Variants in EPHB1 observed in about 807,000 individuals in gnomAD.
EPHB1 encodes the protein ephrin type-B receptor 1.
EPHB1 carries 30 observed loss-of-function variants against 94.4 expected under a neutral mutation model. That is an observed-to-expected ratio of 0.32 (90% confidence interval 0.24 to 0.43). EPHB1 has a LOEUF of 0.43. Among genes scored for constraint, EPHB1 ranks in the 20% least tolerant of loss-of-function variants. The probability of loss-of-function intolerance (pLI) is 1.00; values close to 1 mark genes in which losing one functional copy is unlikely to be tolerated. For missense variants in EPHB1, 1,055 were observed against 1,308.3 expected (o/e 0.81, Z 2.99); for synonymous variants, 522 against 489.1 (o/e 1.07, Z -0.89).
chr3:134,924,192 A>G (rs1325053777), intron 1 of EPHB1, among the ~76,000 whole-genome samples: 1 of 152,256 alleles, frequency 6.6e-6, no homozygotes, highest in Non-Finnish European at 1.5e-5. Context: ...TGGGTTAGGC[A>G]AAGATTTTTC....
chr3:135,039,093 T>C (rs537718888), intron 3 of EPHB1, among the ~76,000 whole-genome samples: 22 of 152,016 alleles, frequency 1.4e-4, no homozygotes, highest in East Asian at 3.9e-4. Flanking sequence ...GATTGGTGCA[T>C]TCACAAACCT....
intron 3 of EPHB1, among the ~76,000 whole-genome samples, chr3:135,015,877 T>A (rs1277435864): frequency 6.6e-6 from 1 of 152,100 alleles, no homozygotes; most frequent in Non-Finnish European, 1.5e-5. Context: ...GGGAAAGGCA[T>A]ACCAGGAAGA....
At chr3:135,029,094 C>A (rs372206630) in intron 3 of EPHB1, among the ~76,000 whole-genome samples, 8 of 106,458 alleles carry the variant, frequency 7.5e-5, no homozygotes, top group Non-Finnish European at 1.5e-4. Flanking sequence ...CTTCCTCCAT[C>A]CTTTTATTTT....
chr3:134,816,874 C>T (rs1420050325), intron 1 of EPHB1, among the ~76,000 whole-genome samples: 1 of 152,034 alleles, frequency 6.6e-6, no homozygotes, highest in Non-Finnish European at 1.5e-5. Flanking sequence ...GGTTAGGCAG[C>T]AGGGCTTCCT....
At chr3:135,206,451 GCT>G (rs1942903159) in intron 12 of EPHB1, among the ~76,000 whole-genome samples, 1 of 152,132 alleles carries the variant, frequency 6.6e-6, no homozygotes, top group African/African-American at 2.4e-5. Flanking sequence ...TCTCAATTCT[GCT>G]CTTTTAATCT....
At chr3:134,886,090 A>G (rs1470163427) in intron 1 of EPHB1, among the ~76,000 whole-genome samples, 2 of 152,188 alleles carry the variant, frequency 1.3e-5, no homozygotes, top group African/African-American at 4.8e-5. Context: ...TAGTTACAGA[A>G]AAAGGAAAGG....
chr3:135,157,118 G>T (rs1941377623), intron 6 of EPHB1, among the ~76,000 whole-genome samples: 1 of 152,202 alleles, frequency 6.6e-6, no homozygotes, highest in South Asian at 2.1e-4. Context: ...GGAAAACAAA[G>T]AAGTTAATAA....
chr3:135,184,997 A>G (rs1370911689), intron 10 of EPHB1, among the ~76,000 whole-genome samples: 1 of 152,254 alleles, frequency 6.6e-6, no homozygotes, highest in African/African-American at 2.4e-5. Flanking sequence ...ACTGTATGCA[A>G]CAGCCTAAGC....
At chr3:135,187,415 C>T (rs547592082) in intron 10 of EPHB1, among the ~76,000 whole-genome samples, 15 of 152,210 alleles carry the variant, frequency 9.9e-5, no homozygotes, top group Admixed American at 4.6e-4. Context: ...TCAAGTAAAA[C>T]GAAGCTCTTT....
At chr3:135,236,550 C>T (rs575689162) in intron 12 of EPHB1, among the ~76,000 whole-genome samples, 19 of 152,228 alleles carry the variant, frequency 1.2e-4, no homozygotes, top group South Asian at 2.1e-4. Flanking sequence ...AAATTTCTAT[C>T]GTGTTGGACT....
At chr3:134,857,457 T>C (rs1341881114) in intron 1 of EPHB1, among the ~76,000 whole-genome samples, 1 of 152,182 alleles carries the variant, frequency 6.6e-6, no homozygotes, top group Non-Finnish European at 1.5e-5. Context: ...TATGGGCCAC[T>C]GACAGGCTGC....
chr3:134,854,168 A>T (rs959671873), intron 1 of EPHB1, among the ~76,000 whole-genome samples: 7 of 152,138 alleles, frequency 4.6e-5, no homozygotes, highest in African/African-American at 1.7e-4. Context: ...TAATTGTGCG[A>T]TAGGAGAGCA....
intron 4 of EPHB1, among the ~76,000 whole-genome samples, chr3:135,112,864 C>T (rs1939517100): frequency 6.6e-6 from 1 of 152,092 alleles, no homozygotes; most frequent in South Asian, 2.1e-4. Flanking sequence ...GACCTTTTGA[C>T]AAGTGTTTAC....
intron 1 of EPHB1, among the ~76,000 whole-genome samples, chr3:134,826,706 G>A (rs991768191): frequency 1.3e-5 from 2 of 152,168 alleles, no homozygotes; most frequent in African/African-American, 4.8e-5. Flanking sequence ...CTATATAGCA[G>A]CTTTTCCACA....
chr3:135,249,605 G>C, intron 15 of EPHB1, 114 bp downstream of exon 15: 5 of 1,262,730 alleles, frequency 4.0e-6, no homozygotes, highest in Non-Finnish European at 5.5e-6. Context: ...CTCCGTCTCT[G>C]TATAGACCAG....
chr3:134,835,063 G>C (rs2036648495), intron 1 of EPHB1, among the ~76,000 whole-genome samples: 1 of 152,216 alleles, frequency 6.6e-6, no homozygotes, highest in Admixed American at 6.5e-5. Flanking sequence ...TGGTGTAATG[G>C]GTTGGCAGTC....
intron 5 of EPHB1, among the ~76,000 whole-genome samples, chr3:135,135,599 A>T (rs1270968055): frequency 6.6e-6 from 1 of 152,172 alleles, no homozygotes; most frequent in Non-Finnish European, 1.5e-5. Context: ...ACCTTCCCAG[A>T]ATACCCCTGA....
At chr3:135,247,899 TATAA>T (rs1489058957) in intron 13 of EPHB1, among the ~76,000 whole-genome samples, 1 of 152,206 alleles carries the variant, frequency 6.6e-6, no homozygotes, top group African/African-American at 2.4e-5. Context: ...GGACATCCTT[TATAA>T]ATAGTGGGTT....
chr3:135,128,555 C>T lies in EPHB1; in HGVS notation c.962-4159C>T, dbSNP rs140697413. ...AGGCCCTGGCTTGCCAGCCCTGGAG[C>T]GGGCCTCATGGGAATAAGAGACAGA... On this transcript the variant is annotated intron_variant, in intron 4 of 15. Transcript: ENST00000398015. Among the ~76,000 whole-genome samples, 125 of 152,316 alleles carry T rather than the reference C, an allele frequency of 8.2e-4. 3 individuals are homozygous for T. The East Asian group carries it at 0.022, about 27-fold the overall frequency.
Sources: gnomAD v4.1 joint callset for allele counts (sites outside exome capture counted in the v4.1 genomes callset) on GRCh38, gnomAD v4.1.1 for gene constraint, MANE v1.5 for transcripts, NCBI Gene and HGNC (gene_info 2026-07-23, HGNC 2026-07-21) for gene names.